Variants in LRRK2 observed in about 807,000 individuals in gnomAD.
The protein encoded by LRRK2 is leucine rich repeat kinase 2.
A neutral mutation model predicts 302.6 loss-of-function variants in LRRK2; 203 were observed. That is an observed-to-expected ratio of 0.67 (90% CI 0.60 to 0.75). The LOEUF (loss-of-function observed/expected upper bound fraction) is 0.75. LRRK2 is among the 30% of genes least tolerant of loss of function. LRRK2 has a pLI of 0.00. For missense variants in LRRK2, 2,830 were observed against 2,951.0 expected (o/e 0.96, Z 0.95); for synonymous variants, 1,066 against 1,031.9 (o/e 1.03, Z -0.63).
At chr12:40,310,729 C>T in intron 31 of LRRK2, 80 bp downstream of exon 31, 2 of 1,384,994 alleles carry the variant, frequency 1.4e-6, no homozygotes, top group Non-Finnish European at 2.1e-6. Context: ...GAGAAGTGAG[C>T]AACTCACTTA....
At chr12:40,230,303 C>T (rs576816228) in intron 2 of LRRK2, among the ~76,000 whole-genome samples, 1 of 152,068 alleles carries the variant, frequency 6.6e-6, no homozygotes, top group African/African-American at 2.4e-5. Flanking sequence ...CTAAAATAGC[C>T]GTTGTTTACT....
chr12:40,348,737 T>G (rs994999673), intron 43 of LRRK2, among the ~76,000 whole-genome samples: 5 of 152,172 alleles, frequency 3.3e-5, no homozygotes, highest in African/African-American at 1.2e-4. Context: ...TTCTTTGAAA[T>G]GCCTGCCCAT....
chr12:40,296,859 T>C (rs970062939), intron 23 of LRRK2, among the ~76,000 whole-genome samples: 2 of 152,158 alleles, frequency 1.3e-5, no homozygotes, highest in Admixed American at 1.3e-4. Context: ...CTTCTCCACT[T>C]CTTTGCCTTG....
intron 18 of LRRK2, among the ~76,000 whole-genome samples, chr12:40,282,330 G>A (rs116152934): frequency 2.6e-5 from 4 of 151,908 alleles, no homozygotes; most frequent in African/African-American, 9.7e-5. Context: ...AATACAAGTT[G>A]GATTGCAGTA....
At position 40,234,369 on chromosome 12, in the gene LRRK2, C is replaced by CTTTTT. The variant is rs35906443; in HGVS notation, c.348-1232_348-1228dup. 4.6e-4 allele frequency among the ~76,000 whole-genome samples: 20 copies of CTTTTT among 43,074 alleles called. 3 individuals carry two copies. Among genetic ancestry groups the CTTTTT allele is most frequent in the African/African-American group, 6.6e-4 (7 of 10,534 alleles). The allele number at this position is 43,074 out of a possible 152,430, so 28.3% of individuals were successfully genotyped here. A position where few individuals can be genotyped will look rare whatever the true frequency, so the allele number is the denominator to read the frequency against. ...AAACATTATTGATATGCTAAATTCA[C>CTTTTT]TTTTTTTTTTTTTTTTTTTTTTTTT... On this transcript the variant is annotated intron_variant, in intron 3 of 50. Coordinates refer to ENST00000298910, the MANE Select transcript of LRRK2 (RefSeq NM_198578.4).
At chr12:40,358,520 T>C (rs567594244) in intron 46 of LRRK2, among the ~76,000 whole-genome samples, 5 of 152,318 alleles carry the variant, frequency 3.3e-5, no homozygotes, top group Non-Finnish European at 7.4e-5. Context: ...GGTGCCTTTG[T>C]TGAAAATTAG....
At chr12:40,365,406 C>G (rs1001447141) in intron 49 of LRRK2, 1 of 191,274 alleles carries the variant, frequency 5.2e-6, no homozygotes, top group Non-Finnish European at 1.1e-5. Context: ...ATAGTCTAGC[C>G]TCCCAGCTTG....
intron 3 of LRRK2, among the ~76,000 whole-genome samples, chr12:40,235,069 T>C (rs1485799178): frequency 6.6e-6 from 1 of 152,182 alleles, no homozygotes; most frequent in Non-Finnish European, 1.5e-5. Context: ...ATATTTAAGG[T>C]ATACAATTGA....
At chr12:40,274,300 T>C (rs1943359020) in intron 14 of LRRK2, among the ~76,000 whole-genome samples, 1 of 152,190 alleles carries the variant, frequency 6.6e-6, no homozygotes, top group Non-Finnish European at 1.5e-5. Context: ...ATTCATCTTC[T>C]AATGGGAGTG....
rs1164210276 is a variant in LRRK2, at chr12:40,295,551, C to A, written c.3003C>A (p.Ser1001Arg). Reference protein sequence around the residue: ...ANELRDIDALSQKCCISVHLE... With the variant: ...ANELRDIDALRQKCCISVHLE... ...AACTAAGAGATATTGATGCCCTAAG[C>A]CAGAAATGCTGTATAAGTGTTCATT... The change falls in exon 23 of 51, where the codon AGC becomes AGA. Residue 1001 changes from serine (S) to arginine (R), a missense_variant. By Grantham distance (110) the Ser-to-Arg change is moderately radical. This residue lies in a region of LRRK2 where 2,121 missense variants were observed against 2,148.0 expected (regional missense o/e 0.99). Coordinates refer to ENST00000298910, the MANE Select transcript of LRRK2 (RefSeq NM_198578.4). The A allele has an allele frequency of 6.2e-7, 1 of 1,613,942 alleles. No individual in the cohort carries two copies. The highest frequency in any genetic ancestry group is 2.2e-5 in the East Asian group (1 of 44,874).
At chr12:40,358,788 A>G (rs909910181) in intron 46 of LRRK2, among the ~76,000 whole-genome samples, 1 of 152,070 alleles carries the variant, frequency 6.6e-6, no homozygotes, top group Non-Finnish European at 1.5e-5. Context: ...TGGGAATTTC[A>G]TTGAATCTGT....
chr12:40,290,783 G>C (rs964213044), intron 20 of LRRK2, among the ~76,000 whole-genome samples: 1 of 151,864 alleles, frequency 6.6e-6, no homozygotes, highest in African/African-American at 2.4e-5. Flanking sequence ...TCTATTGTTT[G>C]TGTTACTTTC....
chr12:40,259,274 C>T lies in LRRK2; in HGVS notation c.1419-206C>T, dbSNP rs73276892. 3.5e-3 allele frequency among the ~76,000 whole-genome samples: 540 copies of T among 152,176 alleles called. 4 individuals carry two copies. Among genetic ancestry groups the T allele is most frequent in the African/African-American group, 0.011 (465 of 41,522 alleles). Reference sequence around the variant, plus strand: ...TAGTTTTATGAAGTGAAATAATTCCCGGATTACTATGAATTCTATCTTATG... The same window carrying T: ...TAGTTTTATGAAGTGAAATAATTCCTGGATTACTATGAATTCTATCTTATG... On this transcript the variant is annotated intron_variant, in intron 12 of 50. Coordinates refer to ENST00000298910, the MANE Select transcript of LRRK2 (RefSeq NM_198578.4).
chr12:40,279,494 C>T (rs1408907006), intron 18 of LRRK2, among the ~76,000 whole-genome samples: 1 of 152,050 alleles, frequency 6.6e-6, no homozygotes, highest in Non-Finnish European at 1.5e-5. Flanking sequence ...ATTTTTCCAT[C>T]AATAATTTAA....
chr12:40,322,366 G>C lies in LRRK2; in HGVS notation c.5365G>C (p.Glu1789Gln), dbSNP rs757331822. ...TGTGGACCACATTGATTCTCTCATGGAAGAATGGTTTCCTGGGTTGCTGGA... is the reference window on the plus strand; with the variant it reads ...TGTGGACCACATTGATTCTCTCATGCAAGAATGGTTTCCTGGGTTGCTGGA... ...QVVDHIDSLM[E>Q]EWFPGLLEID... is the part of the protein sequence containing the mutation. Residue 1789 changes from glutamate (E) to glutamine (Q), a missense_variant, in exon 37 of 51, where the codon GAA becomes CAA. By Grantham distance (29) the Glu-to-Gln change is conservative (BLOSUM62 2). Coordinates refer to ENST00000298910, the MANE Select transcript of LRRK2 (RefSeq NM_198578.4). The C allele has an allele frequency of 5.0e-6, 8 of 1,613,574 alleles. No homozygotes were observed. The East Asian group carries it at 1.8e-4, about 36-fold the overall frequency.
At chr12:40,290,296 T>G (rs1944093924) in intron 20 of LRRK2, among the ~76,000 whole-genome samples, 1 of 152,024 alleles carries the variant, frequency 6.6e-6, no homozygotes, top group South Asian at 2.1e-4. Flanking sequence ...ATTATCCTTT[T>G]TATATAGTAT....
intron 40 of LRRK2, among the ~76,000 whole-genome samples, chr12:40,338,924 A>G (rs751007017): frequency 6.6e-5 from 10 of 152,164 alleles, no homozygotes; most frequent in Non-Finnish European, 1.5e-4. Flanking sequence ...TTTCAAGCCC[A>G]TTACTTACTG....
chr12:40,305,176 C>T (rs1047577241), intron 27 of LRRK2, among the ~76,000 whole-genome samples: 3 of 152,034 alleles, frequency 2.0e-5, no homozygotes, highest in Non-Finnish European at 4.4e-5. Context: ...AGCGTATTGC[C>T]TACAAAAACC....
At position 40,367,908 on chromosome 12, in the gene LRRK2, A is replaced by AAATATATGT; in HGVS notation, c.*146_*154dup. On this transcript the variant is annotated 3_prime_UTR_variant, in exon 51 of 51. Transcript: ENST00000298910. The stretch of plus-strand genomic sequence containing the variant: ...GAAGGAATGTTATTATTTTTAATTT[A>AAATATATGT]AATATATGTAAAAATACTTACCAGT... 3.3e-6 allele frequency: 2 copies of AAATATATGT among 615,256 alleles called. No homozygotes were observed. The highest frequency in any genetic ancestry group is 5.2e-6 in the Non-Finnish European group (2 of 386,360). 38.1% of individuals were successfully genotyped at this position (615,256 alleles called of 1,614,324 possible).
Sources: allele counts gnomAD v4.1 joint callset (sites outside exome capture counted in the v4.1 genomes callset), GRCh38; gene constraint gnomAD v4.1.1; regional missense constraint gnomAD v4.1.1; transcripts MANE v1.5; gene names NCBI Gene and HGNC (gene_info 2026-07-23, HGNC 2026-07-21).